Variants in CTCFL observed in about 807,000 individuals in gnomAD.
The protein encoded by CTCFL is transcriptional repressor CTCFL.
CTCFL carries 36 observed loss-of-function variants against 67.4 expected under a neutral mutation model. That is an observed-to-expected ratio of 0.53 (90% CI 0.41 to 0.71). The LOEUF (loss-of-function observed/expected upper bound fraction) is 0.71. Ranked by LOEUF, CTCFL falls within the 30% of genes least tolerant of loss-of-function variation. The pLI, the probability that CTCFL is intolerant of heterozygous loss-of-function variation, is 0.00. For synonymous variants in CTCFL, 324 were observed against 302.3 expected (o/e 1.07, Z -0.75); for missense variants, 786 against 835.2 (o/e 0.94, Z 0.73).
At chr20:57,506,058 G>C (rs775071711) in intron 9 of CTCFL, among the ~76,000 whole-genome samples, 37 of 152,176 alleles carry the variant, frequency 2.4e-4, no homozygotes, top group Non-Finnish European at 4.3e-4. Flanking sequence ...TTAGACACTG[G>C]GGTTGGCAAA....
At position 57,497,296 on chromosome 20, in the gene CTCFL, CAT is replaced by C; in HGVS notation, c.*1252_*1253del. 1.0e-6 allele frequency: 1 copy of C among 984,516 alleles called. No individual in the cohort carries two copies. The highest frequency in any genetic ancestry group is 1.7e-5 in the African/African-American group (1 of 57,330). The allele number at this position is 984,516 out of a possible 1,614,324, so 61.0% of individuals were successfully genotyped here. A position where few individuals can be genotyped will look rare whatever the true frequency, so the allele number is the denominator to read the frequency against. ...ACTACAGCCCACAGAATTTAAATCT[CAT>C]GTGAGTTGAGTTAAATTAATTTGCT... On this transcript the variant is annotated 3_prime_UTR_variant, in exon 11 of 11. Coordinates refer to ENST00000243914, the MANE Select transcript of CTCFL (RefSeq NM_001386993.1).
At chr20:57,502,395 A>G (rs2067964906) in intron 10 of CTCFL, among the ~76,000 whole-genome samples, 1 of 152,214 alleles carries the variant, frequency 6.6e-6, no homozygotes, top group Admixed American at 6.5e-5. Context: ...CATGGGACAC[A>G]TTTAAACAAT....
chr20:57,510,952 T>A (rs1348874754), intron 8 of CTCFL, among the ~76,000 whole-genome samples: 1 of 152,224 alleles, frequency 6.6e-6, no homozygotes, highest in Non-Finnish European at 1.5e-5. Flanking sequence ...AAATTTGGTC[T>A]CACAGACATG....
Position 57,508,733 on chromosome 20 carries a change from C to G in CTCFL, c.1547G>C (p.Cys516Ser), listed in dbSNP as rs1333556441. Residue 516 changes from cysteine (C) to serine (S), a missense_variant, in exon 9 of 11, where the codon TGC (cysteine) becomes TCC (serine). Cys to Ser is a moderately radical substitution (Grantham distance 112). Transcript: ENST00000243914. ...RTHTGEKPFT[C>S]LSCNKCFRQK... ...TCGGAAACATTTATTGCAAGAAAGG[C>G]AGGTGAATGGTTTCTCTCCAGTGTG... is the stretch of plus-strand genomic sequence containing the variant. 1 of 1,614,184 alleles carries G rather than the reference C, an allele frequency of 6.2e-7. No individual in the cohort carries two copies. Among genetic ancestry groups the G allele is most frequent in the East Asian group, 2.2e-5 (1 of 44,894 alleles).
Position 57,524,051 on chromosome 20 carries a change from G to A in CTCFL, c.155C>T (p.Thr52Ile), listed in dbSNP as rs2069638495. ...RSPSELEAER[T>I]SGAFQDSVLE... ...GACGCTGTCCTGGAAGGCCCCAGAG[G>A]TACGCTCGGCCTCCAACTCACTAGG... The change falls in exon 2 of 11, where the codon ACC becomes ATC. Residue 52 changes from threonine to isoleucine, a missense_variant. Physicochemically the swap from Thr to Ile is moderately conservative, Grantham distance 89 (BLOSUM62 -1). Around this residue, in one of 3 missense-constraint regions of CTCFL, gnomAD observed 333 missense variants for 304.6 expected, o/e 1.09. Transcript: ENST00000243914. 1 of 1,613,468 alleles carries A rather than the reference G, an allele frequency of 6.2e-7. No individual in the cohort carries two copies.
downstream of CTCFL, chr20:57,496,093 G>T: frequency 2.5e-6 from 1 of 400,840 alleles, no homozygotes; most frequent in South Asian, 1.3e-4. Context: ...CCCAGTGTTG[G>T]AGGTGGGGCC....
Position 57,498,491 on chromosome 20 carries a change from TA to T in CTCFL, c.*58del. ...GAGGAGCATTTCACACCTTAAATGCTAAAAACTTCTAACTTGCTTTAGGAAT... is the reference window on the plus strand; with the variant it reads ...GAGGAGCATTTCACACCTTAAATGCTAAAACTTCTAACTTGCTTTAGGAAT... On this transcript the variant is annotated 3_prime_UTR_variant, in exon 11 of 11. Transcript: ENST00000243914. 1 of 1,571,272 alleles carries T rather than the reference TA, an allele frequency of 6.4e-7. No homozygotes were observed. Among genetic ancestry groups the T allele is most frequent in the Admixed American group, 1.8e-5 (1 of 56,086 alleles).
Position 57,497,564 on chromosome 20 carries a change from GT to G in CTCFL, c.*985del. On this transcript the variant is annotated 3_prime_UTR_variant, in exon 11 of 11. Coordinates refer to ENST00000243914, the MANE Select transcript of CTCFL (RefSeq NM_001386993.1). ...ATCCAGATAGAAATGAATTTCAAGT[GT>G]TAAAGAGGCATCTCTCACGCTGCTC... The G allele has an allele frequency of 7.1e-6, 7 of 985,434 alleles. No homozygotes were observed. In the South Asian group the frequency reaches 3.3e-4, roughly 46 times the overall value. 61.0% of individuals were successfully genotyped at this position (985,434 alleles called of 1,614,324 possible).
chr20:57,515,860 T>C (rs2146392592), intron 5 of CTCFL, 26 bp from the exon 6 acceptor site: 1 of 1,589,256 alleles, frequency 6.3e-7, no homozygotes, highest in Non-Finnish European at 8.6e-7. Flanking sequence ...ATGATGTTCG[T>C]TGCAATAGAA....
At chr20:57,508,005 C>T (rs745843405) in intron 9 of CTCFL, 30 of 618,112 alleles carry the variant, frequency 4.9e-5, no homozygotes, top group East Asian at 1.1e-4. Context: ...TGCAGTGGTG[C>T]GATCGTGACT....
At chr20:57,501,585 T>C (rs561941944) in intron 10 of CTCFL, among the ~76,000 whole-genome samples, 1 of 152,308 alleles carries the variant, frequency 6.6e-6, no homozygotes, top group Non-Finnish European at 1.5e-5. Context: ...TTGATACCCA[T>C]CAGTGAGACA....
At chr20:57,514,482 C>A in intron 7 of CTCFL, 110 bp downstream of exon 7, 2 of 1,347,914 alleles carry the variant, frequency 1.5e-6, no homozygotes. Flanking sequence ...GGCCAAGTTC[C>A]CGAAGACCGG....
chr20:57,512,791 T>C, intron 7 of CTCFL, 39 bp from the exon 8 acceptor site: 2 of 1,595,676 alleles, frequency 1.3e-6, no homozygotes, highest in Non-Finnish European at 1.7e-6. Context: ...TCAAGAGTGT[T>C]GTTTTCTGTT....
intron 9 of CTCFL, chr20:57,507,915 T>A: frequency 1.4e-6 from 1 of 696,292 alleles, no homozygotes; most frequent in Non-Finnish European, 2.6e-6. Flanking sequence ...CTTAGTCCAG[T>A]ACCAACAGCA....
At chr20:57,523,608 C>T (rs73625092) in intron 2 of CTCFL, 55 bp downstream of exon 2, 11 of 1,557,240 alleles carry the variant, frequency 7.1e-6, no homozygotes, top group Non-Finnish European at 7.8e-6. Context: ...GCATAAAAGC[C>T]GACTTGAATT....
intron 9 of CTCFL, 114 bp from the exon 10 acceptor site, chr20:57,503,715 G>T: frequency 1.8e-6 from 2 of 1,116,404 alleles, no homozygotes; most frequent in Non-Finnish European, 2.6e-6. Flanking sequence ...GAGTTCTTTC[G>T]AGGGCAATTC....
At chr20:57,516,602 T>C (rs1020790004) in intron 5 of CTCFL, among the ~76,000 whole-genome samples, 1 of 152,200 alleles carries the variant, frequency 6.6e-6, no homozygotes, top group Non-Finnish European at 1.5e-5. Context: ...TCTGTATGTC[T>C]TGCCTCATGG....
chr20:57,514,058 G>C (rs550610387), intron 7 of CTCFL, among the ~76,000 whole-genome samples: 1 of 152,278 alleles, frequency 6.6e-6, no homozygotes, highest in South Asian at 2.1e-4. Context: ...TGGTAGATGC[G>C]GATTACACGT....
downstream of CTCFL, among the ~76,000 whole-genome samples, chr20:57,496,762 T>C (rs1288942444): frequency 6.6e-6 from 1 of 152,236 alleles, no homozygotes; most frequent in Non-Finnish European, 1.5e-5. Context: ...CCCCATGTTG[T>C]AGCATGTGTG....
Sources: allele counts gnomAD v4.1 joint callset (sites outside exome capture counted in the v4.1 genomes callset), GRCh38; gene constraint gnomAD v4.1.1; regional missense constraint gnomAD v4.1.1; transcripts MANE v1.5; gene names NCBI Gene and HGNC (gene_info 2026-07-23, HGNC 2026-07-21).